ABCA12: variants seen among roughly 807,000 people sequenced by gnomAD.
The protein encoded by ABCA12 is glucosylceramide transporter ABCA12.
ABCA12 carries 156 observed loss-of-function variants against 293.5 expected under a neutral mutation model. That is an observed-to-expected ratio of 0.53 (90% CI 0.47 to 0.61). The LOEUF (loss-of-function observed/expected upper bound fraction) is 0.61. Among genes scored for constraint, ABCA12 ranks in the 20% least tolerant of loss-of-function variants. ABCA12 has a pLI of 0.00. For missense variants in ABCA12, 2,797 were observed against 3,090.2 expected (o/e 0.91, Z 2.25); for synonymous variants, 1,063 against 1,108.0 (o/e 0.96, Z 0.81).
chr2:215,019,785 A>T lies in ABCA12; in HGVS notation c.1299T>A (p.Leu433=), dbSNP rs769428592. ...CACAAAGAAGTTCGGTCAAGTTTCGAAGTTGAGACAGCTTTCCAAAAAGGG... is the reference window on the plus strand; with the variant it reads ...CACAAAGAAGTTCGGTCAAGTTTCGTAGTTGAGACAGCTTTCCAAAAAGGG... ...PEVLKSKLSQ[L]RNLTELLCES... is the part of the protein sequence containing the mutation. The change falls in exon 12 of 53, where the codon CTT becomes CTA. Residue 433 remains leucine, a synonymous_variant. Coordinates refer to ENST00000272895, the MANE Select transcript of ABCA12 (RefSeq NM_173076.3). 4 of 1,612,102 alleles carry T rather than the reference A, an allele frequency of 2.5e-6. No individual in the cohort carries two copies. In the South Asian group the frequency reaches 4.4e-5, roughly 18 times the overall value.
chr2:215,064,011 G>C, intron 3 of ABCA12, 55 bp downstream of exon 3: 1 of 1,610,482 alleles, frequency 6.2e-7, no homozygotes, highest in African/African-American at 1.3e-5. Context: ...TATCTCAGAA[G>C]GAAACAAGAT....
At chr2:214,966,392 TA>T (rs1699259552) in intron 39 of ABCA12, among the ~76,000 whole-genome samples, 1 of 151,906 alleles carries the variant, frequency 6.6e-6, no homozygotes, top group Admixed American at 6.6e-5. Context: ...CCCCTGAACT[TA>T]AAATAAAAGT....
At position 214,958,320 on chromosome 2, in the gene ABCA12, A is replaced by G. The variant is rs772038859; in HGVS notation, c.6074T>C (p.Ile2025Thr). ...TGTTACCCAGTAGCATGTCACGCCAATGCCTGAAATGTGCTGCAACTGTTT... is the reference window on the plus strand; with the variant it reads ...TGTTACCCAGTAGCATGTCACGCCAGTGCCTGAAATGTGCTGCAACTGTTT... Reference protein sequence around the residue: ...KAKQLQHISGIGVTCYWVTNF... With the variant: ...KAKQLQHISGTGVTCYWVTNF... Residue 2025 changes from isoleucine to threonine, a missense_variant, in exon 41 of 53, where the codon ATT becomes ACT. Transcript: ENST00000272895. 11 of 1,613,938 alleles carry G rather than the reference A, an allele frequency of 6.8e-6. No homozygotes were observed. The Admixed American group carries it at 8.3e-5, about 12-fold the overall frequency.
At chr2:215,019,140 T>C (rs1380706577) in intron 13 of ABCA12, among the ~76,000 whole-genome samples, 196 bp downstream of exon 13, 1 of 152,264 alleles carries the variant, frequency 6.6e-6, no homozygotes, top group Non-Finnish European at 1.5e-5. Flanking sequence ...CAGATTTCCC[T>C]GTTTCATTCT....
At chr2:215,013,770 A>G (rs940618963) in intron 15 of ABCA12, among the ~76,000 whole-genome samples, 8 of 152,356 alleles carry the variant, frequency 5.3e-5, no homozygotes, top group African/African-American at 1.9e-4. Context: ...TGGCTGAGTT[A>G]ATGGGTATTT....
chr2:215,011,258 A>G (rs1014934620), intron 17 of ABCA12, among the ~76,000 whole-genome samples, 181 bp downstream of exon 17: 4 of 152,190 alleles, frequency 2.6e-5, no homozygotes, highest in African/African-American at 7.2e-5. Context: ...CCACTTCCCC[A>G]TACTAAGATG....
intron 23 of ABCA12, among the ~76,000 whole-genome samples, chr2:214,991,338 G>A (rs900300170): frequency 1.3e-5 from 2 of 152,100 alleles, no homozygotes; most frequent in African/African-American, 4.8e-5. Context: ...AACTAATTTA[G>A]AATAGATTAT....
intron 2 of ABCA12, among the ~76,000 whole-genome samples, chr2:215,069,483 A>T (rs1002639032): frequency 3.9e-5 from 6 of 152,082 alleles, no homozygotes; most frequent in African/African-American, 1.4e-4. Flanking sequence ...GTTTTTTTTT[A>T]AATCTTCTTG....
At chr2:214,968,497 T>A (rs1395446485) in intron 38 of ABCA12, among the ~76,000 whole-genome samples, 1 of 152,114 alleles carries the variant, frequency 6.6e-6, no homozygotes, top group Non-Finnish European at 1.5e-5. Context: ...TTGGCTATTA[T>A]GAGAAATGCT....
intron 19 of ABCA12, among the ~76,000 whole-genome samples, chr2:215,004,533 A>G (rs1420981283): frequency 2.0e-5 from 3 of 152,234 alleles, no homozygotes; most frequent in African/African-American, 7.2e-5. Context: ...CAGCATGCAC[A>G]GTGGCCAGAT....
Position 215,054,609 on chromosome 2 carries a change from TCTGGAATGATAAA to T in ABCA12, c.360_372del (p.Ser120ArgfsTer13). 6.2e-7 allele frequency: 1 copy of T among 1,612,234 alleles called. No homozygotes were observed. The highest frequency in any genetic ancestry group is 8.5e-7 in the Non-Finnish European group (1 of 1,178,640). On this transcript the variant is annotated frameshift_variant, in exon 4 of 53. Transcript: ENST00000272895. LOFTEE classifies it high-confidence loss of function. Reference sequence around the variant, plus strand: ...TGCCTTCTTTCTGGAACTTGGGTGCTCTGGAATGATAAACTGCTGTCCTTATCCAGGTTGGATG... The same window carrying T: ...TGCCTTCTTTCTGGAACTTGGGTGCTCTGCTGTCCTTATCCAGGTTGGATG...
intron 18 of ABCA12, among the ~76,000 whole-genome samples, chr2:215,008,456 G>A (rs550132705): frequency 1.3e-5 from 2 of 151,840 alleles, no homozygotes; most frequent in South Asian, 2.1e-4. Flanking sequence ...CCTGATGATT[G>A]GATGAGTAAA....
chr2:215,000,244 A>G (rs1165904531), intron 22 of ABCA12, among the ~76,000 whole-genome samples: 1 of 152,244 alleles, frequency 6.6e-6, no homozygotes, highest in African/African-American at 2.4e-5. Flanking sequence ...GTTGATCAAA[A>G]TGTGTTCAAG....
intron 2 of ABCA12, among the ~76,000 whole-genome samples, chr2:215,074,711 A>G (rs1212482725): frequency 1.3e-5 from 2 of 152,200 alleles, no homozygotes; most frequent in Admixed American, 1.3e-4. Context: ...TGGGAGGCCA[A>G]GGTGGGCCGA....
intron 1 of ABCA12, among the ~76,000 whole-genome samples, chr2:215,123,040 T>A (rs1389081445): frequency 6.6e-6 from 1 of 152,192 alleles, no homozygotes; most frequent in Non-Finnish European, 1.5e-5. Flanking sequence ...GATATGTGAT[T>A]TTCTGCTTCT....
At chr2:215,093,542 C>T (rs867260895) in intron 2 of ABCA12, among the ~76,000 whole-genome samples, 10 of 152,210 alleles carry the variant, frequency 6.6e-5, no homozygotes, top group African/African-American at 1.7e-4. Flanking sequence ...ACCAGAACCG[C>T]GCCCTGTAGT....
intron 5 of ABCA12, among the ~76,000 whole-genome samples, chr2:215,050,116 A>G (rs1380680942): frequency 3.3e-5 from 5 of 152,160 alleles, no homozygotes; most frequent in African/African-American, 1.2e-4. Context: ...GCTTACAAAA[A>G]TCTTCACGCA....
At chr2:215,085,358 C>A (rs1028598248) in intron 2 of ABCA12, 1 of 152,142 alleles carries the variant, frequency 6.6e-6, no homozygotes, top group Non-Finnish European at 1.5e-5. Context: ...TTAGCCCAGG[C>A]CTGGACTCAA....
chr2:215,012,557 C>T (rs919128427), intron 15 of ABCA12, among the ~76,000 whole-genome samples: 2 of 152,036 alleles, frequency 1.3e-5, no homozygotes, highest in African/African-American at 4.8e-5. Context: ...TTTCATGATT[C>T]AATTTATATG....
Sources: gnomAD v4.1 joint callset for allele counts (sites outside exome capture counted in the v4.1 genomes callset) on GRCh38, gnomAD v4.1.1 for gene constraint, MANE v1.5 for transcripts, NCBI Gene and HGNC (gene_info 2026-07-23, HGNC 2026-07-21) for gene names.